The following CFAP299 variants were observed in gnomAD, a reference collection of about 807,000 sequenced individuals.
CFAP299 encodes cilia and flagella associated protein 299, also known as cilia- and flagella-associated protein 299.
CFAP299 carries 21 observed loss-of-function variants against 27.0 expected under a neutral mutation model. That is an observed-to-expected ratio of 0.78 (90% CI 0.55 to 1.12). The LOEUF is 1.12. Among genes scored for constraint, CFAP299 ranks in the 50% most tolerant of loss-of-function variants. The pLI is 0.00. For synonymous variants in CFAP299, 104 were observed against 98.1 expected (o/e 1.06, Z -0.36); for missense variants, 310 against 276.6 (o/e 1.12, Z -0.86).
chr4:80,481,798 A>C (rs942626925), intron 2 of CFAP299, among the ~76,000 whole-genome samples: 3 of 152,048 alleles, frequency 2.0e-5, no homozygotes, highest in Non-Finnish European at 4.4e-5. Context: ...ATTAATTATT[A>C]CCAGTTAATA....
At chr4:80,416,604 T>C (rs1727020503) in intron 2 of CFAP299, among the ~76,000 whole-genome samples, 2 of 152,228 alleles carry the variant, frequency 1.3e-5, no homozygotes, top group African/African-American at 4.8e-5. Flanking sequence ...TTATCAATTA[T>C]TGATTTGAGT....
rs543926780 is a variant in CFAP299 at position 80,763,644 on chromosome 4, C to A, written c.334-106349C>A. On this transcript the variant is annotated intron_variant, in intron 3 of 5. Transcript: ENST00000358105. ...TGGAACCAAAAAAGAGCTCATATAG[C>A]CAAGACAATCCTAAGCAAAAAGAAT... is the stretch of plus-strand genomic sequence containing the variant. 9.9e-5 allele frequency among the ~76,000 whole-genome samples: 15 copies of A among 152,130 alleles called. No individual in the cohort carries two copies. The South Asian group carries it at 3.1e-3, about 32-fold the overall frequency.
Position 80,583,101 on chromosome 4 carries a change from C to G in CFAP299, c.251C>G (p.Thr84Arg). 6.3e-7 allele frequency: 1 copy of G among 1,599,362 alleles called. No homozygotes were observed. Among genetic ancestry groups the G allele is most frequent in the Non-Finnish European group, 8.5e-7 (1 of 1,170,882 alleles). Residue 84 changes from threonine (T) to arginine (R), a missense_variant, in exon 3 of 6, where the codon ACA (threonine) becomes AGA (arginine). By Grantham distance (71) the Thr-to-Arg change is moderately conservative. Coordinates refer to ENST00000358105, the MANE Select transcript of CFAP299 (RefSeq NM_152770.3). Reference sequence around the variant, plus strand: ...AGATCTGCCTTTTACAGGACGCTAACAAGTGCTGGTAAAGACCTACAAGAT... The same window carrying G: ...AGATCTGCCTTTTACAGGACGCTAAGAAGTGCTGGTAAAGACCTACAAGAT... Reference protein sequence around the residue: ...LAERAQQKTLTSAGKDLQDNF... With the variant: ...LAERAQQKTLRSAGKDLQDNF...
intron 2 of CFAP299, among the ~76,000 whole-genome samples, chr4:80,573,513 G>C (rs1024169141): frequency 3.3e-5 from 5 of 151,868 alleles, no homozygotes; most frequent in Non-Finnish European, 7.4e-5. Context: ...GTGCTTTTGG[G>C]GTATTGTTCA....
chr4:80,743,670 G>A (rs1319231510), intron 3 of CFAP299, among the ~76,000 whole-genome samples: 1 of 152,122 alleles, frequency 6.6e-6, no homozygotes, highest in African/African-American at 2.4e-5. Flanking sequence ...CCACATGTCA[G>A]AAGCCATAAA....
rs35681176 is a variant in CFAP299 at position 80,856,910 on chromosome 4, G to A, written c.334-13083G>A. 5.4e-4 allele frequency among the ~76,000 whole-genome samples: 82 copies of A among 150,788 alleles called. No homozygotes were observed. The East Asian group carries it at 0.015, about 28-fold the overall frequency. ...GGGCTCTTTTTTGGTTCCATATGAA[G>A]TTTAAAGTAGTTTTTTCCAATTCTG... On this transcript the variant is annotated intron_variant, in intron 3 of 5. Coordinates refer to ENST00000358105, the MANE Select transcript of CFAP299 (RefSeq NM_152770.3).
chr4:80,604,685 T>C (rs1294997728), intron 3 of CFAP299, among the ~76,000 whole-genome samples: 1 of 152,174 alleles, frequency 6.6e-6, no homozygotes, highest in Non-Finnish European at 1.5e-5. Context: ...AGTTTATTAC[T>C]TCGAGGACAC....
chr4:80,574,118 TC>T (rs1056691222), intron 2 of CFAP299, among the ~76,000 whole-genome samples: 1 of 152,158 alleles, frequency 6.6e-6, no homozygotes, highest in Non-Finnish European at 1.5e-5. Context: ...TTTTTTGGTG[TC>T]CCCTTCCATT....
intron 3 of CFAP299, among the ~76,000 whole-genome samples, chr4:80,751,757 T>G (rs1282498996): frequency 6.6e-6 from 1 of 152,162 alleles, no homozygotes; most frequent in Non-Finnish European, 1.5e-5. Flanking sequence ...CCCCTGGAAC[T>G]TGAACCCTGC....
Position 80,612,701 on chromosome 4 carries a change from T to C in CFAP299, c.333+29518T>C, listed in dbSNP as rs547428968. 4.6e-5 allele frequency among the ~76,000 whole-genome samples: 7 copies of C among 152,248 alleles called. No homozygotes were observed. The South Asian group carries it at 1.4e-3, about 32-fold the overall frequency. On this transcript the variant is annotated intron_variant, in intron 3 of 5. Transcript: ENST00000358105. ...ATAATACTCACACCTTAAATAGAGA[T>C]TGAACTTAACACCCTCAACTCTGAA...
intron 2 of CFAP299, among the ~76,000 whole-genome samples, chr4:80,408,024 TACC>T (rs2110057666): frequency 6.6e-6 from 1 of 152,342 alleles, no homozygotes; most frequent in South Asian, 2.1e-4. Flanking sequence ...TTGAATATAC[TACC>T]ATAGAGTCTC....
intron 2 of CFAP299, among the ~76,000 whole-genome samples, chr4:80,375,480 G>T (rs1237257916): frequency 6.6e-6 from 1 of 152,104 alleles, no homozygotes; most frequent in Non-Finnish European, 1.5e-5. Context: ...ATGTGTCTGG[G>T]GATGTGGACC....
chr4:80,589,860 G>C (rs957435963), intron 3 of CFAP299, among the ~76,000 whole-genome samples: 5 of 152,090 alleles, frequency 3.3e-5, no homozygotes, highest in Non-Finnish European at 5.9e-5. Context: ...TACATTGTTA[G>C]GCAACTTTAG....
intron 2 of CFAP299, chr4:80,386,441 C>T: frequency 6.5e-7 from 1 of 1,541,878 alleles, no homozygotes; most frequent in Non-Finnish European, 8.8e-7. Flanking sequence ...GCGGGTCAGG[C>T]AAGGGGGTCA....
At chr4:80,356,107 TG>T (rs763816267) in intron 1 of CFAP299, among the ~76,000 whole-genome samples, 8 of 43,622 alleles carry the variant, frequency 1.8e-4, no homozygotes, top group Non-Finnish European at 3.5e-4. Context: ...CTTTCCCCAT[TG>T]TTTTTTTTTT....
chr4:80,864,523 T>TACAC (rs1732594066), intron 3 of CFAP299, among the ~76,000 whole-genome samples: 1 of 147,540 alleles, frequency 6.8e-6, no homozygotes, highest in Non-Finnish European at 1.5e-5. Context: ...TATATACGTA[T>TACAC]ATATACATAT....
chr4:80,387,605 G>C, intron 2 of CFAP299: 1 of 1,253,604 alleles, frequency 8.0e-7, no homozygotes, highest in Non-Finnish European at 1.2e-6. Flanking sequence ...ACAGAGTTTC[G>C]AGACACAGTG....
chr4:80,936,575 G>T (rs544788654), intron 4 of CFAP299, among the ~76,000 whole-genome samples: 1 of 152,010 alleles, frequency 6.6e-6, no homozygotes, highest in Non-Finnish European at 1.5e-5. Flanking sequence ...TTATAATTTG[G>T]AGCTAAATGA....
At chr4:80,539,357 G>A (rs1303356666) in intron 2 of CFAP299, among the ~76,000 whole-genome samples, 2 of 152,172 alleles carry the variant, frequency 1.3e-5, no homozygotes, top group Non-Finnish European at 2.9e-5. Flanking sequence ...ACCACATGAG[G>A]AAGCACCAGG....
Sources: gnomAD v4.1 joint callset for allele counts (sites outside exome capture counted in the v4.1 genomes callset) on GRCh38, gnomAD v4.1.1 for gene constraint, MANE v1.5 for transcripts, NCBI Gene and HGNC (gene_info 2026-07-23, HGNC 2026-07-21) for gene names.